Variants in CTNNA3 observed in about 807,000 individuals in gnomAD.
The protein encoded by CTNNA3 is catenin alpha 3, also known as catenin alpha-3.
Under a neutral mutation model 95.7 loss-of-function variants are expected in CTNNA3, and 76 were observed. That is an observed-to-expected ratio of 0.79 (90% CI 0.66 to 0.96). The LOEUF (loss-of-function observed/expected upper bound fraction) is 0.96, where lower values mean the gene tolerates loss of function less well. Among genes scored for constraint, CTNNA3 ranks in the 40% least tolerant of loss-of-function variants. CTNNA3 has a pLI of 0.00. For synonymous variants in CTNNA3, 431 were observed against 374.4 expected (o/e 1.15, Z -1.74); for missense variants, 1,191 against 1,089.8 (o/e 1.09, Z -1.31).
intron 9 of CTNNA3, among the ~76,000 whole-genome samples, chr10:66,667,801 C>T (rs771933923): frequency 2.0e-5 from 3 of 152,060 alleles, no homozygotes; most frequent in Non-Finnish European, 4.4e-5. Flanking sequence ...CTATTGACTG[C>T]ATTTCTCCCT....
chr10:67,239,496 A>G (rs7084408), intron 5 of CTNNA3, among the ~76,000 whole-genome samples: 29,111 of 152,080 alleles, frequency 0.19, 3,318 homozygotes, highest in African/African-American at 0.33. Flanking sequence ...GGGGGTGATT[A>G]GAGACTAAAC....
chr10:66,835,277 A>G (rs1466156524), intron 7 of CTNNA3, among the ~76,000 whole-genome samples: 1 of 152,212 alleles, frequency 6.6e-6, no homozygotes, highest in African/African-American at 2.4e-5. Flanking sequence ...ACCAAAGCAG[A>G]TAATTCAAAA....
chr10:67,460,399 G>C (rs138005255), intron 5 of CTNNA3, among the ~76,000 whole-genome samples: 5 of 152,230 alleles, frequency 3.3e-5, no homozygotes, highest in African/African-American at 1.2e-4. Flanking sequence ...AGTCTGGCTC[G>C]TTTGGTTTAA....
chr10:65,967,921 C>G (rs957295333), intron 16 of CTNNA3, among the ~76,000 whole-genome samples: 2 of 151,848 alleles, frequency 1.3e-5, no homozygotes, highest in Non-Finnish European at 2.9e-5. Flanking sequence ...TTGGAAATAA[C>G]CTAAATGTCC....
chr10:67,296,934 CAAAAAAAAAAA>C (rs1210482029), intron 5 of CTNNA3, among the ~76,000 whole-genome samples: 12 of 17,664 alleles, frequency 6.8e-4, no homozygotes, highest in African/African-American at 1.2e-3. Context: ...AACGCTGTCT[CAAAAAAAAAAA>C]AAAAAAAAAA....
chr10:67,739,502 A>G (rs1243490735), intron 1 of CTNNA3, among the ~76,000 whole-genome samples: 2 of 152,088 alleles, frequency 1.3e-5, no homozygotes, highest in South Asian at 2.1e-4. Context: ...AAGCATTCTT[A>G]TACACCAATA....
At chr10:67,671,794 A>C (rs1007033631) in intron 1 of CTNNA3, among the ~76,000 whole-genome samples, 8 of 151,892 alleles carry the variant, frequency 5.3e-5, no homozygotes, top group Non-Finnish European at 2.9e-5. Flanking sequence ...AGTCTTTGCT[A>C]TTGTTAATAG....
intron 5 of CTNNA3, among the ~76,000 whole-genome samples, chr10:67,293,254 G>A (rs1235240701): frequency 6.6e-6 from 1 of 152,130 alleles, no homozygotes; most frequent in Non-Finnish European, 1.5e-5. Flanking sequence ...AAGGTAGTTG[G>A]AAGGAGCCCT....
intron 5 of CTNNA3, among the ~76,000 whole-genome samples, chr10:67,276,680 C>A (rs1447218480): frequency 6.6e-6 from 1 of 151,804 alleles, no homozygotes; most frequent in Non-Finnish European, 1.5e-5. Context: ...ATAATGATTG[C>A]CATTTGCTTC....
chr10:66,327,479 T>C (rs1002084125), intron 12 of CTNNA3, among the ~76,000 whole-genome samples: 4 of 152,052 alleles, frequency 2.6e-5, no homozygotes, highest in Non-Finnish European at 4.4e-5. Context: ...TACATTAAGG[T>C]GTTAAGGACC....
chr10:66,640,488 C>T (rs865778392), intron 9 of CTNNA3, among the ~76,000 whole-genome samples: 1 of 152,166 alleles, frequency 6.6e-6, no homozygotes, highest in Non-Finnish European at 1.5e-5. Flanking sequence ...GTTGCAACCA[C>T]ATTCATTGTA....
chr10:66,317,697 G>A (rs4620604), intron 12 of CTNNA3, among the ~76,000 whole-genome samples: 18,578 of 151,010 alleles, frequency 0.12, 1,316 homozygotes, highest in South Asian at 0.19. Flanking sequence ...AATTTAAAAT[G>A]AGAAAAGAAA....
At chr10:67,194,675 G>A (rs749983074) in intron 6 of CTNNA3, among the ~76,000 whole-genome samples, 13 of 151,818 alleles carry the variant, frequency 8.6e-5, no homozygotes, top group Admixed American at 4.6e-4. Flanking sequence ...CCCACAGAAC[G>A]TACAACACCA....
At chr10:67,009,843 C>A (rs1452340848) in intron 7 of CTNNA3, among the ~76,000 whole-genome samples, 1 of 152,082 alleles carries the variant, frequency 6.6e-6, no homozygotes, top group African/African-American at 2.4e-5. Context: ...AAAACATATC[C>A]TTTTGCATCA....
intron 13 of CTNNA3, among the ~76,000 whole-genome samples, chr10:66,268,356 C>T (rs908953019): frequency 3.3e-5 from 5 of 152,062 alleles, no homozygotes; most frequent in Admixed American, 6.6e-5. Flanking sequence ...GGCAATATGG[C>T]GTGTGCTTTG....
At chr10:67,346,159 T>TAAAA (rs1842407180) in intron 5 of CTNNA3, among the ~76,000 whole-genome samples, 1 of 152,190 alleles carries the variant, frequency 6.6e-6, no homozygotes. Context: ...TTAACTTTTT[T>TAAAA]GTTTCTATTT....
intron 5 of CTNNA3, among the ~76,000 whole-genome samples, chr10:67,497,427 T>G (rs952136945): frequency 2.0e-5 from 3 of 152,224 alleles, no homozygotes; most frequent in Non-Finnish European, 2.9e-5. Context: ...GAATGATTTA[T>G]AATCCTTTGG....
chr10:67,686,563 A>C (rs1310020421), intron 1 of CTNNA3, among the ~76,000 whole-genome samples: 2 of 152,136 alleles, frequency 1.3e-5, no homozygotes, highest in African/African-American at 4.8e-5. Flanking sequence ...TGATAACCAT[A>C]AACTTCCTTT....
chr10:66,603,869 T>C lies in CTNNA3; in HGVS notation c.1374+17823A>G, dbSNP rs561418291. ...AATAAATGGTGCTGAGAATATTGTATATTCATATGCAGAAGAATAAGAGTA... is the reference window on the plus strand; with the variant it reads ...AATAAATGGTGCTGAGAATATTGTACATTCATATGCAGAAGAATAAGAGTA... On this transcript the variant is annotated intron_variant, in intron 10 of 17. Coordinates refer to ENST00000433211, the MANE Select transcript of CTNNA3 (RefSeq NM_013266.4). 3.2e-4 allele frequency among the ~76,000 whole-genome samples: 49 copies of C among 152,298 alleles called. 4 individuals are homozygous for C. The South Asian group carries it at 9.7e-3, about 30-fold the overall frequency.
Sources: allele counts gnomAD v4.1 joint callset (sites outside exome capture counted in the v4.1 genomes callset), GRCh38; gene constraint gnomAD v4.1.1; transcripts MANE v1.5; gene names NCBI Gene and HGNC (gene_info 2026-07-23, HGNC 2026-07-21).